Variants in KIF26B observed in about 807,000 individuals in gnomAD.
KIF26B encodes the protein kinesin-like protein KIF26B.
KIF26B carries 63 observed loss-of-function variants against 151.2 expected under a neutral mutation model. That is an observed-to-expected ratio of 0.42 (90% confidence interval 0.34 to 0.51). KIF26B has a LOEUF of 0.51. Ranked by LOEUF, KIF26B falls within the 20% of genes least tolerant of loss-of-function variation. The pLI is 0.07. For missense variants in KIF26B, 2,813 were observed against 2,913.6 expected, an observed-to-expected ratio of 0.97 and a Z score of 0.79; for synonymous variants, 1,357 against 1,262.1, an observed-to-expected ratio of 1.08 and a Z score of -1.59.
At chr1:245,660,400 G>T (rs2044123030) in intron 10 of KIF26B, among the ~76,000 whole-genome samples, 1 of 76,464 alleles carries the variant, frequency 1.3e-5, no homozygotes, top group Non-Finnish European at 2.7e-5. Flanking sequence ...CAGTGATGTG[G>T]TCATAGCTCA....
chr1:245,293,581 T>G (rs1295034605), intron 2 of KIF26B, among the ~76,000 whole-genome samples: 1 of 24,446 alleles, frequency 4.1e-5, no homozygotes, highest in Non-Finnish European at 6.8e-5. Flanking sequence ...TTCTTTCCTT[T>G]TTTTTTTTTT....
intron 4 of KIF26B, among the ~76,000 whole-genome samples, chr1:245,428,551 CA>C (rs1156818777): frequency 6.6e-6 from 1 of 152,090 alleles, no homozygotes; most frequent in Non-Finnish European, 1.5e-5. Flanking sequence ...ATCCAATATG[CA>C]ACCCCAGCAA....
intron 9 of KIF26B, among the ~76,000 whole-genome samples, chr1:245,638,098 T>G (rs187312604): frequency 6.6e-6 from 1 of 152,040 alleles, no homozygotes; most frequent in Non-Finnish European, 1.5e-5. Flanking sequence ...TTGGGTAGTA[T>G]AGACATTTTA....
chr1:245,570,331 T>G (rs547143030), intron 5 of KIF26B, among the ~76,000 whole-genome samples: 1 of 152,304 alleles, frequency 6.6e-6, no homozygotes, highest in East Asian at 1.9e-4. Flanking sequence ...ATCATTTTTG[T>G]GTTTCTTCTG....
At chr1:245,322,821 T>C (rs556437996) in intron 2 of KIF26B, among the ~76,000 whole-genome samples, 7 of 152,356 alleles carry the variant, frequency 4.6e-5, no homozygotes, top group Non-Finnish European at 7.3e-5. Flanking sequence ...TAACCAATGA[T>C]TCATTGATGA....
chr1:245,173,433 C>T (rs1167305089), intron 2 of KIF26B, among the ~76,000 whole-genome samples: 2 of 152,148 alleles, frequency 1.3e-5, no homozygotes, highest in African/African-American at 4.8e-5. Context: ...AAGTGATATC[C>T]CTGTGCACTG....
At chr1:245,411,412 A>G (rs1069232) in intron 3 of KIF26B, among the ~76,000 whole-genome samples, 98,331 of 152,152 alleles carry the variant, frequency 0.65, 32,222 homozygotes, top group South Asian at 0.71. Flanking sequence ...TGACAAACAC[A>G]GACGCTGCAG....
intron 2 of KIF26B, among the ~76,000 whole-genome samples, chr1:245,365,484 A>C: frequency 6.8e-6 from 1 of 147,108 alleles, no homozygotes. Flanking sequence ...CCAAATGCTG[A>C]TCTTCCTGCC....
At position 245,506,949 on chromosome 1, in the gene KIF26B, G is replaced by A. The variant is rs546236455; in HGVS notation, c.1167-33818G>A. Among the ~76,000 whole-genome samples, 4 of 152,314 alleles carry A rather than the reference G, an allele frequency of 2.6e-5. No individual in the cohort carries two copies. In the South Asian group the frequency reaches 8.3e-4, roughly 32 times the overall value. On this transcript the variant is annotated intron_variant, in intron 4 of 14. Transcript: ENST00000407071. ...CCCACGTCGGCCTCCCAAGGTGCTG[G>A]GATTACAGGCGTGAGCCACGGTGCC... is the stretch of plus-strand genomic sequence containing the variant.
At chr1:245,678,564 G>GT (rs1180595803) in intron 10 of KIF26B, among the ~76,000 whole-genome samples, 1 of 151,950 alleles carries the variant, frequency 6.6e-6, no homozygotes, top group Non-Finnish European at 1.5e-5. Context: ...AGGTATTACT[G>GT]TAAAAAAAAG....
chr1:245,262,783 G>T (rs561937414), intron 2 of KIF26B, among the ~76,000 whole-genome samples: 1 of 152,278 alleles, frequency 6.6e-6, no homozygotes, highest in Admixed American at 6.5e-5. Flanking sequence ...AGAGACTCTT[G>T]AGTCTTTCTC....
rs1375906333 is a variant in KIF26B, at chr1:245,250,464, T to C, written c.465+93781T>C. Among the ~76,000 whole-genome samples the C allele has an allele frequency of 3.9e-5, 6 of 152,188 alleles. No individual in the cohort carries two copies. In the East Asian group the frequency reaches 1.2e-3, roughly 29 times the overall value. ...TGATGGACACTGTTACAAGCGGTGC[T>C]ATAATAAACTTGTGCAAGTAACTCT... On this transcript the variant is annotated intron_variant, in intron 2 of 14. Coordinates refer to ENST00000407071, the MANE Select transcript of KIF26B (RefSeq NM_018012.4).
At chr1:245,266,329 C>T (rs1670744086) in intron 2 of KIF26B, among the ~76,000 whole-genome samples, 1 of 152,106 alleles carries the variant, frequency 6.6e-6, no homozygotes, top group Admixed American at 6.5e-5. Flanking sequence ...TGGAAATTCT[C>T]ATACACAGCT....
intron 3 of KIF26B, among the ~76,000 whole-genome samples, chr1:245,405,429 TA>T (rs375928990): frequency 2.0e-5 from 3 of 152,184 alleles, no homozygotes; most frequent in African/African-American, 7.2e-5. Context: ...AGAGTGTTTT[TA>T]GTTAATATTC....
intron 5 of KIF26B, among the ~76,000 whole-genome samples, chr1:245,577,460 C>A (rs2043130355): frequency 6.6e-6 from 1 of 152,220 alleles, no homozygotes; most frequent in South Asian, 2.1e-4. Context: ...AGCACTTCCA[C>A]AATCTCCAGG....
chr1:245,685,625 C>T lies in KIF26B; in HGVS notation c.2642C>T (p.Thr881Ile). ...NGTALSDKEL[T>I]DNEGPPDFVP... ...ACGGCCCTCTCTGACAAGGAGCTCACCGACAACGAGGGCCCCCCAGACTTT... is the reference window on the plus strand; with the variant it reads ...ACGGCCCTCTCTGACAAGGAGCTCATCGACAACGAGGGCCCCCCAGACTTT... The change falls in exon 12 of 15, where the codon ACC (threonine) becomes ATC (isoleucine). Residue 881 changes from threonine to isoleucine, a missense_variant. Coordinates refer to ENST00000407071, the MANE Select transcript of KIF26B (RefSeq NM_018012.4). 1 of 1,613,582 alleles carries T rather than the reference C, an allele frequency of 6.2e-7. No individual in the cohort carries two copies. The highest frequency in any genetic ancestry group is 8.5e-7 in the Non-Finnish European group (1 of 1,179,826).
At chr1:245,501,297 G>T (rs1480525402) in intron 4 of KIF26B, among the ~76,000 whole-genome samples, 3 of 152,210 alleles carry the variant, frequency 2.0e-5, no homozygotes, top group Non-Finnish European at 4.4e-5. Context: ...GTAGAATAAG[G>T]ATAATAGTGT....
intron 9 of KIF26B, among the ~76,000 whole-genome samples, chr1:245,643,634 C>A (rs149440893): frequency 6.6e-6 from 1 of 152,052 alleles, no homozygotes; most frequent in Non-Finnish European, 1.5e-5. Context: ...CATATTTACC[C>A]ATGTGGTTAT....
chr1:245,504,565 C>T (rs1660690949), intron 4 of KIF26B, among the ~76,000 whole-genome samples: 1 of 151,992 alleles, frequency 6.6e-6, no homozygotes, highest in Non-Finnish European at 1.5e-5. Flanking sequence ...CTTCCTGCTT[C>T]AGTAGCTGGG....
Sources: gnomAD v4.1 joint callset for allele counts (sites outside exome capture counted in the v4.1 genomes callset) on GRCh38, gnomAD v4.1.1 for gene constraint, MANE v1.5 for transcripts, NCBI Gene and HGNC (gene_info 2026-07-23, HGNC 2026-07-21) for gene names.